ASB16: variants seen among roughly 807,000 people sequenced by gnomAD.
The protein encoded by ASB16 is ankyrin repeat and SOCS box containing 16, also known as ankyrin repeat and SOCS box protein 16.
In ASB16, 44 loss-of-function variants were observed where a neutral mutation model predicts 39.1. The ratio of observed to expected loss-of-function variants is 1.13; its 90% CI spans 0.88 to 1.45. The LOEUF (loss-of-function observed/expected upper bound fraction) is 1.45, where lower values mean the gene tolerates loss of function less well. ASB16 is among the 40% of genes most tolerant of loss of function. ASB16 has a pLI of 0.00. For missense variants in ASB16, 698 were observed against 634.5 expected (o/e 1.10, Z -1.07); for synonymous variants, 305 against 286.7 (o/e 1.06, Z -0.64).
intron 2 of ASB16, among the ~76,000 whole-genome samples, chr17:44,173,679 G>A (rs970097535): frequency 1.3e-5 from 2 of 152,074 alleles, no homozygotes; most frequent in Admixed American, 6.6e-5. Context: ...AATAAAATTA[G>A]CCGGGCATGG....
intron 2 of ASB16, among the ~76,000 whole-genome samples, chr17:44,175,032 G>A (rs946103598): frequency 6.6e-6 from 1 of 151,300 alleles, no homozygotes; most frequent in African/African-American, 2.4e-5. Flanking sequence ...AACCCAGGAG[G>A]CAGAGACTGC....
rs1444742063 is a variant in ASB16 at position 44,176,951 on chromosome 17, G to A, written c.783G>A (p.Arg261=). 2.0e-6 allele frequency: 3 copies of A among 1,501,850 alleles called. No homozygotes were observed. The highest frequency in any genetic ancestry group is 2.6e-6 in the Non-Finnish European group (3 of 1,138,292). 93.0% of individuals were successfully genotyped at this position (1,501,850 alleles called of 1,614,324 possible). The change falls in exon 3 of 5, where the codon AGG becomes AGA. Residue 261 remains arginine (R), a synonymous_variant. Transcript: ENST00000293414. ...CAGAEGPGSC[R]RHQAAARRLL... is the part of the protein sequence containing the mutation. ...GGGCCGAGGGCCCAGGTAGCTGCAGGCGACACCAGGCTGCGGCGCGCCGGC... is the reference window on the plus strand; with the variant it reads ...GGGCCGAGGGCCCAGGTAGCTGCAGACGACACCAGGCTGCGGCGCGCCGGC...
chr17:44,178,467 C>T lies in ASB16; in HGVS notation c.*77C>T. 2 of 1,412,006 alleles carry T rather than the reference C, an allele frequency of 1.4e-6. No individual in the cohort carries two copies. The highest frequency in any genetic ancestry group is 1.4e-5 in the African/African-American group (1 of 69,586). 87.5% of individuals were successfully genotyped at this position (1,412,006 alleles called of 1,614,324 possible). A position where few individuals can be genotyped will look rare whatever the true frequency, so the allele number is the denominator to read the frequency against. On this transcript the variant is annotated 3_prime_UTR_variant, in exon 5 of 5. Coordinates refer to ENST00000293414, the MANE Select transcript of ASB16 (RefSeq NM_080863.5). ...GCCTCCAACTGCGGAGGACCAGTTC[C>T]TGGCCCTCTTTTCTTTTCTTTTTGA... is the stretch of plus-strand genomic sequence containing the variant.
At chr17:44,173,042 G>C (rs1389614795) in intron 2 of ASB16, among the ~76,000 whole-genome samples, 2 of 147,340 alleles carry the variant, frequency 1.4e-5, no homozygotes, top group Admixed American at 1.4e-4. Flanking sequence ...AGAGGTTGCA[G>C]TGAGCCGAGA....
intron 4 of ASB16, 36 bp downstream of exon 4, chr17:44,177,758 A>T (rs760641432): frequency 1.2e-6 from 2 of 1,602,686 alleles, no homozygotes; most frequent in South Asian, 2.2e-5. Flanking sequence ...GGGAGGAGGG[A>T]CGAGCCACAG....
At position 44,172,115 on chromosome 17, in the gene ASB16, C is replaced by A. The variant is rs902204482; in HGVS notation, c.371C>A (p.Thr124Lys). 11 of 1,611,604 alleles carry A rather than the reference C, an allele frequency of 6.8e-6. No individual in the cohort carries two copies. In the African/African-American group the frequency reaches 1.3e-4, roughly 20 times the overall value. The part of the protein sequence containing the change: ...PLAIATARGY[T>K]DCARHLIRQG... ...GCCATCGCTACAGCCCGAGGCTACA[C>A]AGACTGTGCTCGACACCTGATCCGG... is the stretch of plus-strand genomic sequence containing the variant. Residue 124 changes from threonine (T) to lysine (K), a missense_variant, in exon 2 of 5, where the codon ACA (threonine) becomes AAA (lysine). Transcript: ENST00000293414.
rs780840043 is a variant in ASB16 at position 44,177,056 on chromosome 17, C to T, written c.888C>T (p.Cys296=). 6.8e-7 allele frequency: 1 copy of T among 1,473,260 alleles called. No individual in the cohort carries two copies. Among genetic ancestry groups the T allele is most frequent in the Non-Finnish European group, 8.9e-7 (1 of 1,125,756 alleles). 91.3% of individuals were successfully genotyped at this position (1,473,260 alleles called of 1,614,324 possible). ...TPLHNACANG[C]GGLAELLLRY... ...TGCACAACGCTTGTGCCAACGGCTG[C>T]GGGGGCCTGGCCGAGCTGCTGCTGC... The change falls in exon 3 of 5, where the codon TGC becomes TGT. Residue 296 remains cysteine (C), a synonymous_variant. Transcript: ENST00000293414.
rs1731272273 is a variant in ASB16, at chr17:44,172,056, G to A, written c.312G>A (p.Val104=). Residue 104 remains valine (V), a synonymous_variant, in exon 2 of 5, where the codon GTG becomes GTA. Transcript: ENST00000293414. ...ATTTGCTCTCCCTAGGGTTCTGGGT[G>A]CTGACCCCCAAGACCAAGCAGACGG... ...LAWSAEQGFW[V]LTPKTKQTAP... 3 of 1,611,996 alleles carry A rather than the reference G, an allele frequency of 1.9e-6. No individual in the cohort carries two copies. The highest frequency in any genetic ancestry group is 1.3e-5 in the African/African-American group (1 of 74,870).
At chr17:44,177,292 TC>T in intron 3 of ASB16, 62 bp downstream of exon 3, 1 of 1,465,882 alleles carries the variant, frequency 6.8e-7, no homozygotes. Flanking sequence ...CTGGAACTGC[TC>T]CGCTTCTGGG....
At chr17:44,176,696 G>A in intron 2 of ASB16, 42 bp from the exon 3 acceptor site, 2 of 1,613,740 alleles carry the variant, frequency 1.2e-6, no homozygotes, top group Non-Finnish European at 1.7e-6. Context: ...GGGGTCCCAA[G>A]CCTTCAGGAT....
At chr17:44,173,664 C>A (rs2054261328) in intron 2 of ASB16, among the ~76,000 whole-genome samples, 1 of 151,960 alleles carries the variant, frequency 6.6e-6, no homozygotes, top group Non-Finnish European at 1.5e-5. Context: ...CCTGTCTCTA[C>A]AAAAAATAAA....
In ASB16 at chr17:44,177,648, G is replaced by A; in HGVS notation, c.1102G>A (p.Val368Ile). 1 of 1,613,950 alleles carries A rather than the reference G, an allele frequency of 6.2e-7. No homozygotes were observed. Among genetic ancestry groups the A allele is most frequent in the Non-Finnish European group, 8.5e-7 (1 of 1,179,888 alleles). The change falls in exon 4 of 5, where the codon GTC becomes ATC. Residue 368 changes from valine to isoleucine, a missense_variant. Physicochemically the swap from Val to Ile is conservative, Grantham distance 29. Transcript: ENST00000293414. ...HCANFPRALEVLLNAYPCVPS... is the reference protein window; with the variant it reads ...HCANFPRALEILLNAYPCVPS... ...CGCCAACTTCCCTCGGGCCCTGGAA[G>A]TCCTGCTTAATGCCTATCCTTGTGT... is the stretch of plus-strand genomic sequence containing the variant.
chr17:44,178,536 T>C lies in ASB16; in HGVS notation c.*146T>C, dbSNP rs2054334128. 2 of 876,272 alleles carry C rather than the reference T, an allele frequency of 2.3e-6. No individual in the cohort carries two copies. Among genetic ancestry groups the C allele is most frequent in the African/African-American group, 1.7e-5 (1 of 58,900 alleles). The allele number at this position is 876,272 out of a possible 1,614,324, so 54.3% of individuals were successfully genotyped here. On this transcript the variant is annotated 3_prime_UTR_variant, in exon 5 of 5. Coordinates refer to ENST00000293414, the MANE Select transcript of ASB16 (RefSeq NM_080863.5). Reference sequence around the variant, plus strand: ...TGCCCAGGCTGGAGTGCAGTGGCGCTATCTCGGCTCACTGCAACTTCTACC... The same window carrying C: ...TGCCCAGGCTGGAGTGCAGTGGCGCCATCTCGGCTCACTGCAACTTCTACC...
intron 2 of ASB16, among the ~76,000 whole-genome samples, chr17:44,174,164 C>T (rs959670622): frequency 2.0e-5 from 3 of 151,738 alleles, no homozygotes; most frequent in Non-Finnish European, 2.9e-5. Context: ...CTGAGCCTCC[C>T]GAGTAACTGG....
At chr17:44,177,294 C>A in intron 3 of ASB16, 64 bp downstream of exon 3, 1 of 1,463,690 alleles carries the variant, frequency 6.8e-7, no homozygotes, top group Non-Finnish European at 9.0e-7. Flanking sequence ...GGAACTGCTC[C>A]GCTTCTGGGG....
intron 4 of ASB16, 89 bp from the exon 5 acceptor site, chr17:44,178,116 C>A: frequency 7.2e-7 from 1 of 1,379,584 alleles, no homozygotes; most frequent in South Asian, 1.2e-5. Flanking sequence ...CAGGTGGGTG[C>A]ATGCTGCAAA....
intron 2 of ASB16, among the ~76,000 whole-genome samples, chr17:44,173,509 G>C (rs1049422892): frequency 1.3e-5 from 2 of 151,142 alleles, no homozygotes; most frequent in Non-Finnish European, 2.9e-5. Context: ...TTTGGGCAAC[G>C]TAAGTGAGGT....
chr17:44,176,946 T>C lies in ASB16; in HGVS notation c.778T>C (p.Cys260Arg), dbSNP rs773390867. The C allele has an allele frequency of 2.0e-6, 3 of 1,514,356 alleles. No individual in the cohort carries two copies. The highest frequency in any genetic ancestry group is 2.6e-6 in the Non-Finnish European group (3 of 1,142,686). The allele number at this position is 1,514,356 out of a possible 1,614,324, so 93.8% of individuals were successfully genotyped here. A position where few individuals can be genotyped will look rare whatever the true frequency, so the allele number is the denominator to read the frequency against. The change falls in exon 3 of 5, where the codon TGC becomes CGC. Residue 260 changes from cysteine to arginine, a missense_variant. Physicochemically the swap from Cys to Arg is radical, Grantham distance 180 (BLOSUM62 -3). Coordinates refer to ENST00000293414, the MANE Select transcript of ASB16 (RefSeq NM_080863.5). ...CGCTGGGGCCGAGGGCCCAGGTAGC[T>C]GCAGGCGACACCAGGCTGCGGCGCG... ...ACAGAEGPGSCRRHQAAARRL... is the reference protein window; with the variant it reads ...ACAGAEGPGSRRRHQAAARRL...
intron 2 of ASB16, among the ~76,000 whole-genome samples, chr17:44,173,342 G>A (rs1460872502): frequency 2.7e-5 from 4 of 146,552 alleles, no homozygotes; most frequent in South Asian, 2.2e-4. Flanking sequence ...GCAGTGAACC[G>A]AGATTGTGCC....
Sources: gnomAD v4.1 joint callset for allele counts (sites outside exome capture counted in the v4.1 genomes callset) on GRCh38, gnomAD v4.1.1 for gene constraint, MANE v1.5 for transcripts, NCBI Gene and HGNC (gene_info 2026-07-23, HGNC 2026-07-21) for gene names.